The following PLA1A variants were observed in gnomAD, a reference collection of about 807,000 sequenced individuals.
PLA1A encodes the protein phospholipase A1 member A.
Under a neutral mutation model 49.4 loss-of-function variants are expected in PLA1A, and 47 were observed. The observed-to-expected ratio is 0.95, with a 90% CI of 0.75 to 1.21. The LOEUF is 1.21. Among genes scored for constraint, PLA1A ranks in the 50% most tolerant of loss-of-function variants. The pLI, the probability that PLA1A is intolerant of heterozygous loss-of-function variation, is 0.00. For missense variants in PLA1A, 561 were observed against 563.9 expected (o/e 0.99, Z 0.05); for synonymous variants, 224 against 207.9 (o/e 1.08, Z -0.67).
chr3:119,618,962 A>C (rs1361236354), intron 7 of PLA1A, among the ~76,000 whole-genome samples: 1 of 152,116 alleles, frequency 6.6e-6, no homozygotes, highest in Non-Finnish European at 1.5e-5. Flanking sequence ...ATTATTTCCT[A>C]TTCATTGTGC....
At chr3:119,604,093 GATT>G in intron 1 of PLA1A, among the ~76,000 whole-genome samples, 1 of 152,256 alleles carries the variant, frequency 6.6e-6, no homozygotes. Flanking sequence ...TTTTCATTGT[GATT>G]ATTCTTTAAC....
intron 1 of PLA1A, among the ~76,000 whole-genome samples, chr3:119,604,900 T>C (rs2082666142): frequency 6.6e-6 from 1 of 152,192 alleles, no homozygotes; most frequent in South Asian, 2.1e-4. Context: ...ATTAAAATAA[T>C]TTTTGTTATT....
chr3:119,615,961 T>G, intron 5 of PLA1A, 51 bp from the exon 6 acceptor site: 5 of 1,223,704 alleles, frequency 4.1e-6, no homozygotes, highest in Non-Finnish European at 4.8e-6. Flanking sequence ...AGGTCCGCTG[T>G]GAGCCGACCC....
intron 8 of PLA1A, among the ~76,000 whole-genome samples, chr3:119,622,081 C>T (rs1476845359): frequency 2.8e-5 from 3 of 106,758 alleles, no homozygotes; most frequent in Non-Finnish European, 5.3e-5. Flanking sequence ...GAACCTGTTT[C>T]TGAAGAAAGA....
At chr3:119,622,130 AGG>A (rs1560086769) in intron 8 of PLA1A, among the ~76,000 whole-genome samples, 125 of 148,396 alleles carry the variant, frequency 8.4e-4, no homozygotes, top group African/African-American at 3.1e-3. Context: ...GGAGAAGAAG[AGG>A]AAGAGGAGGA....
intron 8 of PLA1A, among the ~76,000 whole-genome samples, chr3:119,623,717 C>CT (rs35309675): frequency 0.05 from 5,075 of 101,368 alleles, 593 homozygotes; most frequent in African/African-American, 0.18. Flanking sequence ...TTCTCTCTTT[C>CT]TTTTTTTTTT....
intron 8 of PLA1A, among the ~76,000 whole-genome samples, chr3:119,621,850 T>C (rs2082937949): frequency 6.6e-6 from 1 of 152,206 alleles, no homozygotes; most frequent in African/African-American, 2.4e-5. Context: ...GACATGTTCC[T>C]GTGCAGATTT....
intron 8 of PLA1A, among the ~76,000 whole-genome samples, chr3:119,624,096 A>G (rs1187379966): frequency 6.6e-6 from 1 of 152,180 alleles, no homozygotes; most frequent in Non-Finnish European, 1.5e-5. Context: ...AGACTGGGTA[A>G]CTTACAAAGC....
intron 8 of PLA1A, chr3:119,620,300 G>A (rs911811185): frequency 1.0e-5 from 4 of 387,808 alleles, no homozygotes; most frequent in African/African-American, 6.3e-5. Context: ...GCTTTATCAT[G>A]TGTACAGGAT....
intron 4 of PLA1A, among the ~76,000 whole-genome samples, chr3:119,609,821 T>A (rs2082741349): frequency 6.6e-6 from 1 of 152,232 alleles, no homozygotes; most frequent in Non-Finnish European, 1.5e-5. Context: ...ATTTTTAAGT[T>A]TCTTATTTAA....
chr3:119,601,789 A>G (rs941753429), intron 1 of PLA1A, among the ~76,000 whole-genome samples: 4 of 152,240 alleles, frequency 2.6e-5, no homozygotes, highest in African/African-American at 9.6e-5. Context: ...TAAATGGAAT[A>G]CTTCTAATAT....
At chr3:119,609,727 C>G (rs1453234307) in intron 4 of PLA1A, 151 bp downstream of exon 4, 3 of 505,624 alleles carry the variant, frequency 5.9e-6, no homozygotes, top group South Asian at 3.4e-5. Flanking sequence ...TATTGTGGTT[C>G]TTTTGCATAA....
At chr3:119,614,919 G>A (rs1190902035) in intron 5 of PLA1A, among the ~76,000 whole-genome samples, 1 of 152,210 alleles carries the variant, frequency 6.6e-6, no homozygotes, top group African/African-American at 2.4e-5. Context: ...AGTGTCTGCA[G>A]TAGGGGTCCG....
At chr3:119,608,969 G>A in intron 3 of PLA1A, 22 bp downstream of exon 3, 1 of 1,603,354 alleles carries the variant, frequency 6.2e-7, no homozygotes, top group East Asian at 2.2e-5. Context: ...AGAGCTTAGG[G>A]TGAGTTTGGG....
chr3:119,628,466 G>A (rs998511650), intron 9 of PLA1A, among the ~76,000 whole-genome samples: 2 of 152,216 alleles, frequency 1.3e-5, no homozygotes, highest in African/African-American at 4.8e-5. Context: ...CTATTTTGTT[G>A]CAGTGTCCAC....
At chr3:119,615,141 C>T (rs1263689588) in intron 5 of PLA1A, among the ~76,000 whole-genome samples, 1 of 152,208 alleles carries the variant, frequency 6.6e-6, no homozygotes, top group South Asian at 2.1e-4. Context: ...CAATCAATTT[C>T]TTCCAATACT....
chr3:119,611,331 T>G (rs79246361), intron 4 of PLA1A, among the ~76,000 whole-genome samples: 1,708 of 152,316 alleles, frequency 0.011, 11 homozygotes, highest in Middle Eastern at 0.044. Context: ...AATTTTAGAA[T>G]AGATTTTTAT....
At chr3:119,620,291 C>A (rs115355284) in intron 8 of PLA1A, 17,459 of 392,916 alleles carry the variant, frequency 0.044, 513 homozygotes, top group Middle Eastern at 0.12. Context: ...GTCCTGTTTG[C>A]TTTATCATGT....
At position 119,618,180 on chromosome 3, in the gene PLA1A, A is replaced by G. The variant is rs1577149461; in HGVS notation, c.916A>G (p.Arg306Gly). The G allele has an allele frequency of 6.2e-7, 1 of 1,612,624 alleles. No homozygotes were observed. Residue 306 changes from arginine (R) to glycine (G), a missense_variant, in exon 7 of 11, where the codon AGG becomes GGG. Coordinates refer to ENST00000273371, the MANE Select transcript of PLA1A (RefSeq NM_015900.4). The stretch of plus-strand genomic sequence containing the variant: ...TAACCCTTTTCTGCTTTCCTGCCCA[A>G]GGATAGGTAAAGTGCTACCCCTTTG... ...CFNPFLLSCP[R>G]IGLVEQGGVK...
Sources: gnomAD v4.1 joint callset for allele counts (sites outside exome capture counted in the v4.1 genomes callset) on GRCh38, gnomAD v4.1.1 for gene constraint, MANE v1.5 for transcripts, NCBI Gene and HGNC (gene_info 2026-07-23, HGNC 2026-07-21) for gene names.